Variants in NIPA2 observed in about 807,000 individuals in gnomAD.
The protein encoded by NIPA2 is magnesium transporter NIPA2.
NIPA2 carries 11 observed loss-of-function variants against 29.7 expected under a neutral mutation model. The ratio of observed to expected loss-of-function variants is 0.37; its 90% CI spans 0.23 to 0.61. The LOEUF (loss-of-function observed/expected upper bound fraction) is 0.61, where lower values mean the gene tolerates loss of function less well. NIPA2 is among the 20% of genes least tolerant of loss of function. NIPA2 has a pLI of 0.66. For synonymous variants in NIPA2, 183 were observed against 161.9 expected, an observed-to-expected ratio of 1.13 and a Z score of -0.99; for missense variants, 426 against 437.9, an observed-to-expected ratio of 0.97 and a Z score of 0.24.
chr15:22,867,037 C>T lies in NIPA2; in HGVS notation c.*190C>T. 1 of 559,560 alleles carries T rather than the reference C, an allele frequency of 1.8e-6. No individual in the cohort carries two copies. The highest frequency in any genetic ancestry group is 3.1e-6 in the Non-Finnish European group (1 of 324,446). The allele number at this position is 559,560 out of a possible 1,614,324, so 34.7% of individuals were successfully genotyped here. ...AACAATGGTAGCTCACTAAAATGAC[C>T]TCAGCACATGACGATTTCTATTAAC... On this transcript the variant is annotated 3_prime_UTR_variant, in exon 8 of 8. Coordinates refer to ENST00000337451, the MANE Select transcript of NIPA2 (RefSeq NM_030922.7).
rs2057754602 is a variant in NIPA2, at chr15:22,851,693, T to A, written c.-39T>A. The A allele has an allele frequency of 1.3e-6, 2 of 1,574,908 alleles. No homozygotes were observed. The highest frequency in any genetic ancestry group is 1.7e-6 in the Non-Finnish European group (2 of 1,158,326). On this transcript the variant is annotated 5_prime_UTR_variant, in exon 4 of 8. Transcript: ENST00000337451. ...TACCAGCGGTTTCTCTGTTCTGTGA[T>A]CAATGTGATTCACAGGAACTCCTTA... is the stretch of plus-strand genomic sequence containing the variant.
chr15:22,856,621 A>G (rs1219126323), intron 5 of NIPA2, among the ~76,000 whole-genome samples: 2 of 152,240 alleles, frequency 1.3e-5, no homozygotes, highest in Non-Finnish European at 1.5e-5. Flanking sequence ...TGTTTAACCA[A>G]TAAAAGATTT....
chr15:22,857,017 C>T (rs925160408), intron 5 of NIPA2, among the ~76,000 whole-genome samples: 2 of 152,214 alleles, frequency 1.3e-5, no homozygotes, highest in African/African-American at 4.8e-5. Flanking sequence ...AATGCCATGA[C>T]ACATAGTAGG....
intron 3 of NIPA2, among the ~76,000 whole-genome samples, chr15:22,847,719 C>T (rs940286053): frequency 9.2e-5 from 14 of 152,248 alleles, no homozygotes; most frequent in Admixed American, 8.5e-4. Context: ...ACCTCGGCCT[C>T]CCAAAGTGTT....
At chr15:22,858,666 G>T (rs1199627571) in intron 6 of NIPA2, 36 bp downstream of exon 6, 6 of 1,276,304 alleles carry the variant, frequency 4.7e-6, no homozygotes, top group African/African-American at 1.5e-5. Context: ...ACAGTAGTCG[G>T]TATCTTAGTT....
In NIPA2 at chr15:22,866,892, T is replaced by C. The variant is rs755701321; in HGVS notation, c.*45T>C. On this transcript the variant is annotated 3_prime_UTR_variant, in exon 8 of 8. Transcript: ENST00000337451. ...TAATCTGTGATTGTTATGAAGTGAA[T>C]TTGAATATCATCAGAATGTGTCTGA... 6.8e-7 allele frequency: 1 copy of C among 1,477,734 alleles called. No individual in the cohort carries two copies. The highest frequency in any genetic ancestry group is 9.1e-7 in the Non-Finnish European group (1 of 1,096,560). The allele number at this position is 1,477,734 out of a possible 1,614,324, so 91.5% of individuals were successfully genotyped here.
chr15:22,859,869 T>A (rs545907159), intron 6 of NIPA2, among the ~76,000 whole-genome samples: 1 of 152,284 alleles, frequency 6.6e-6, no homozygotes, highest in African/African-American at 2.4e-5. Context: ...TATGCTGTAT[T>A]TTCTTTTTAG....
intron 2 of NIPA2, among the ~76,000 whole-genome samples, chr15:22,842,500 T>A (rs1210661001): frequency 2.7e-5 from 4 of 150,414 alleles, no homozygotes; most frequent in Non-Finnish European, 5.9e-5. Flanking sequence ...CCATCCTGGC[T>A]AACATGGTGA....
intron 2 of NIPA2, among the ~76,000 whole-genome samples, chr15:22,841,706 A>G (rs1595684513): frequency 6.6e-6 from 1 of 151,984 alleles, no homozygotes. Flanking sequence ...TCGGGGTTTC[A>G]CCATGTTGGT....
At chr15:22,858,006 C>T (rs547981677) in intron 5 of NIPA2, among the ~76,000 whole-genome samples, 6 of 152,130 alleles carry the variant, frequency 3.9e-5, no homozygotes, top group East Asian at 3.9e-4. Context: ...AGATTTCTTC[C>T]GTTAGATTTA....
At chr15:22,842,351 T>C (rs577319932) in intron 2 of NIPA2, among the ~76,000 whole-genome samples, 2 of 152,102 alleles carry the variant, frequency 1.3e-5, no homozygotes, top group South Asian at 2.1e-4. Flanking sequence ...AGCAGCAGAG[T>C]GCTGACCGGG....
rs1344578314 is a variant in NIPA2, at chr15:22,866,628, A to G, written c.864A>G (p.Thr288=). 2 of 1,614,104 alleles carry G rather than the reference A, an allele frequency of 1.2e-6. No homozygotes were observed. The highest frequency in any genetic ancestry group is 1.7e-6 in the Non-Finnish European group (2 of 1,179,986). ...TTGGTACTTTGAGTGGCTTCTTTAC[A>G]ATCATTGTGGGGATATTCTTGTTGC... is the stretch of plus-strand genomic sequence containing the variant. ...DVIGTLSGFF[T]IIVGIFLLHA... Residue 288 remains threonine, a synonymous_variant, in exon 8 of 8, where the codon ACA becomes ACG. Transcript: ENST00000337451.
chr15:22,861,731 T>C (rs561303803), intron 7 of NIPA2, among the ~76,000 whole-genome samples: 2 of 152,218 alleles, frequency 1.3e-5, no homozygotes, highest in East Asian at 3.9e-4. Flanking sequence ...TCCATTGTGC[T>C]GGGTGCCTGA....
intron 3 of NIPA2, among the ~76,000 whole-genome samples, chr15:22,848,214 C>T (rs958633281): frequency 6.6e-6 from 1 of 152,078 alleles, no homozygotes; most frequent in African/African-American, 2.4e-5. Flanking sequence ...CTCGGTTTCT[C>T]ACTCCCATTT....
intron 3 of NIPA2, among the ~76,000 whole-genome samples, chr15:22,851,244 T>A (rs1008292158): frequency 6.6e-6 from 1 of 152,170 alleles, no homozygotes; most frequent in South Asian, 2.1e-4. Context: ...GTGAGAAAAT[T>A]TTGAGTTTCT....
At chr15:22,859,517 G>C (rs978230577) in intron 6 of NIPA2, among the ~76,000 whole-genome samples, 3 of 152,086 alleles carry the variant, frequency 2.0e-5, no homozygotes, top group East Asian at 1.9e-4. Context: ...TGGTCTCGAT[G>C]TCCTGACCTC....
intron 3 of NIPA2, among the ~76,000 whole-genome samples, chr15:22,849,221 A>T (rs899233406): frequency 5.3e-5 from 8 of 152,306 alleles, no homozygotes; most frequent in Non-Finnish European, 1.2e-4. Context: ...AGTTAACTTG[A>T]GGCTTGAGAT....
At chr15:22,841,094 A>G (rs1436861323) in intron 2 of NIPA2, among the ~76,000 whole-genome samples, 1 of 152,140 alleles carries the variant, frequency 6.6e-6, no homozygotes, top group Non-Finnish European at 1.5e-5. Context: ...CAACTTGAGA[A>G]CTACAGCTAA....
Position 22,866,279 on chromosome 15 carries a change from G to A in NIPA2, c.515G>A (p.Arg172His), listed in dbSNP as rs201271184. 95 of 1,613,606 alleles carry A rather than the reference G, an allele frequency of 5.9e-5. No individual in the cohort carries two copies. The Middle Eastern group carries it at 1.2e-3, about 20-fold the overall frequency. ...ATATTAATCTTCGTGGTGGGTCCTC[G>A]CCATGGACAGACAAACATTCTTGTG... is the stretch of plus-strand genomic sequence containing the variant. ...ALILIFVVGP[R>H]HGQTNILVYI... is the part of the protein sequence containing the mutation. Residue 172 changes from arginine to histidine, a missense_variant, in exon 8 of 8, where the codon CGC becomes CAC. Transcript: ENST00000337451.
Sources: gnomAD v4.1 joint callset for allele counts (sites outside exome capture counted in the v4.1 genomes callset) on GRCh38, gnomAD v4.1.1 for gene constraint, MANE v1.5 for transcripts, NCBI Gene and HGNC (gene_info 2026-07-23, HGNC 2026-07-21) for gene names.